ZNG1E: variants seen among roughly 807,000 people sequenced by gnomAD.
ZNG1E encodes zinc-regulated GTPase metalloprotein activator 1E.
chr9:65,660,224 TA>T, the ZNG1E span, among the ~76,000 whole-genome samples: 1 of 136,256 alleles, frequency 7.3e-6, no homozygotes, highest in Non-Finnish European at 1.5e-5. Context: ...AAAATGAAAT[TA>T]AAAGAATACT....
At chr9:65,711,382 A>G in the ZNG1E span, among the ~76,000 whole-genome samples, 1 of 125,964 alleles carries the variant, frequency 7.9e-6, no homozygotes, top group African/African-American at 3.5e-5. Context: ...CAGAACTTCC[A>G]ACACTATGTT....
At chr9:65,658,580 GAAAA>G in the ZNG1E span, among the ~76,000 whole-genome samples, 1 of 136,018 alleles carries the variant, frequency 7.4e-6, no homozygotes. Flanking sequence ...CTACTTGAGT[GAAAA>G]AAAAAAAAAA....
chr9:65,686,452 T>G, the ZNG1E span, among the ~76,000 whole-genome samples: 3 of 152,258 alleles, frequency 2.0e-5, no homozygotes, highest in South Asian at 2.1e-4. Context: ...CTGGCCAACA[T>G]AGTGAAACCC....
chr9:65,660,423 G>T, the ZNG1E span, among the ~76,000 whole-genome samples: 1 of 151,746 alleles, frequency 6.6e-6, no homozygotes. Flanking sequence ...AGAATCAGAG[G>T]ATACTATAAA....
the ZNG1E span, among the ~76,000 whole-genome samples, chr9:65,658,116 A>AAGT: frequency 7.7e-6 from 1 of 129,250 alleles, no homozygotes; most frequent in South Asian, 2.4e-4. Flanking sequence ...AAAAAAAAAA[A>AAGT]CTTATGTTCC....
the ZNG1E span, among the ~76,000 whole-genome samples, chr9:65,664,760 G>C: frequency 2.0e-5 from 3 of 152,182 alleles, no homozygotes; most frequent in Non-Finnish European, 4.4e-5. Context: ...CTAGAGACCT[G>C]TTGAACGACT....
At chr9:65,672,622 T>C in the ZNG1E span, among the ~76,000 whole-genome samples, 5 of 151,532 alleles carry the variant, frequency 3.3e-5, no homozygotes, top group African/African-American at 1.2e-4. Context: ...TGCATACCTG[T>C]AATCCCAGCT....
chr9:65,677,802 C>G, the ZNG1E span, among the ~76,000 whole-genome samples: 1 of 152,014 alleles, frequency 6.6e-6, no homozygotes, highest in African/African-American at 2.4e-5. Context: ...ACTAAGGTTA[C>G]TTCAAAGGTG....
At chr9:65,700,368 C>T in the ZNG1E span, 1 of 443,542 alleles carries the variant, frequency 2.3e-6, no homozygotes. Flanking sequence ...TAAGTGCCTA[C>T]AGATCCATAT....
At chr9:65,721,727 A>T in the ZNG1E span, among the ~76,000 whole-genome samples, 1 of 150,552 alleles carries the variant, frequency 6.6e-6, no homozygotes. Flanking sequence ...ACATTATGTC[A>T]CTTTACTACT....
chr9:65,662,769 TC>T, the ZNG1E span, among the ~76,000 whole-genome samples: 1 of 151,916 alleles, frequency 6.6e-6, no homozygotes, highest in African/African-American at 2.4e-5. Context: ...TTTCCTCCCC[TC>T]CAAATGAAAC....
chr9:65,659,431 G>T, the ZNG1E span, among the ~76,000 whole-genome samples: 1 of 151,054 alleles, frequency 6.6e-6, no homozygotes, highest in Non-Finnish European at 1.5e-5. Context: ...GGAGGTGGAG[G>T]TTGCAGTGAG....
chr9:65,662,606 C>T, the ZNG1E span, among the ~76,000 whole-genome samples: 17 of 151,790 alleles, frequency 1.1e-4, no homozygotes, highest in Admixed American at 3.3e-4. Context: ...GCTGGGAAAA[C>T]GGCAATGGAT....
At chr9:65,659,490 G>A in the ZNG1E span, among the ~76,000 whole-genome samples, 22 of 116,184 alleles carry the variant, frequency 1.9e-4, no homozygotes, top group Non-Finnish European at 2.4e-4. Context: ...ATGAGACTCC[G>A]TCTCAAAAAA....
At chr9:65,657,540 A>G in the ZNG1E span, among the ~76,000 whole-genome samples, 1 of 152,260 alleles carries the variant, frequency 6.6e-6, no homozygotes, top group Non-Finnish European at 1.5e-5. Context: ...ACTCAGGGAG[A>G]TAGAGTAGGA....
the ZNG1E span, among the ~76,000 whole-genome samples, chr9:65,685,166 C>T: frequency 3.3e-5 from 5 of 152,158 alleles, no homozygotes; most frequent in Admixed American, 3.3e-4. Context: ...CTAAAAAATG[C>T]TAACAATCAT....
the ZNG1E span, among the ~76,000 whole-genome samples, chr9:65,660,860 A>T: frequency 2.1e-5 from 3 of 144,112 alleles, no homozygotes; most frequent in Admixed American, 7.0e-5. Flanking sequence ...TATATAAAAT[A>T]AAAATTTATA....
At chr9:65,683,704 C>T in the ZNG1E span, among the ~76,000 whole-genome samples, 1 of 152,110 alleles carries the variant, frequency 6.6e-6, no homozygotes, top group Non-Finnish European at 1.5e-5. Flanking sequence ...ATTGAAGTAT[C>T]CTGAGAGTTC....
At chr9:65,720,994 G>C in the ZNG1E span, among the ~76,000 whole-genome samples, 1 of 149,658 alleles carries the variant, frequency 6.7e-6, no homozygotes, top group Non-Finnish European at 1.5e-5. Flanking sequence ...AAAAAACCCA[G>C]TTCTTTATGA....
Sources: gnomAD v4.1 joint callset for allele counts (sites outside exome capture counted in the v4.1 genomes callset) on GRCh38, gnomAD v4.1.1 for gene constraint, MANE v1.5 for transcripts, NCBI Gene and HGNC (gene_info 2026-07-23, HGNC 2026-07-21) for gene names.